The following RHOBTB1 variants were observed in gnomAD, a reference collection of about 807,000 sequenced individuals.
RHOBTB1 encodes rho-related BTB domain-containing protein 1.
Under a neutral mutation model 71.6 loss-of-function variants are expected in RHOBTB1, and 40 were observed. That is an observed-to-expected ratio of 0.56 (90% CI 0.43 to 0.73). The LOEUF (loss-of-function observed/expected upper bound fraction) is 0.73. Ranked by LOEUF, RHOBTB1 falls within the 30% of genes least tolerant of loss-of-function variation. The pLI is 0.00. For synonymous variants in RHOBTB1, 319 were observed against 334.9 expected (o/e 0.95, Z 0.52); for missense variants, 797 against 894.0 (o/e 0.89, Z 1.38).
intron 1 of RHOBTB1, among the ~76,000 whole-genome samples, chr10:60,998,170 T>C (rs573027650): frequency 5.3e-4 from 81 of 152,260 alleles, no homozygotes; most frequent in African/African-American, 1.9e-3. Context: ...GGTACTCAGA[T>C]CTCCATTCAT....
chr10:60,992,629 C>A (rs893641766), intron 1 of RHOBTB1, among the ~76,000 whole-genome samples: 27 of 152,282 alleles, frequency 1.8e-4, no homozygotes, highest in African/African-American at 6.5e-4. Context: ...AGGCGAAACT[C>A]AAATGTTGCA....
At chr10:60,962,895 A>G (rs1006674042) in intron 2 of RHOBTB1, among the ~76,000 whole-genome samples, 10 of 152,196 alleles carry the variant, frequency 6.6e-5, no homozygotes, top group African/African-American at 2.4e-4. Context: ...TGCCACTTAA[A>G]ATATCTACCA....
At chr10:60,905,722 G>A (rs185615609) in intron 4 of RHOBTB1, among the ~76,000 whole-genome samples, 17 of 152,154 alleles carry the variant, frequency 1.1e-4, no homozygotes, top group African/African-American at 2.9e-4. Flanking sequence ...ACTGTGCAAC[G>A]GGCTGCTTGC....
intron 2 of RHOBTB1, among the ~76,000 whole-genome samples, chr10:60,952,924 C>A (rs2085464458): frequency 2.0e-5 from 3 of 152,096 alleles, no homozygotes; most frequent in Admixed American, 6.5e-5. Flanking sequence ...CTCACAACCA[C>A]AAATTCAAAG....
chr10:60,930,968 CT>C (rs1353865990), intron 2 of RHOBTB1, among the ~76,000 whole-genome samples: 1 of 151,990 alleles, frequency 6.6e-6, no homozygotes, highest in Non-Finnish European at 1.5e-5. Flanking sequence ...CATTTAATAA[CT>C]GTATCTCTGT....
At chr10:60,966,577 A>C (rs1317808911) in intron 2 of RHOBTB1, among the ~76,000 whole-genome samples, 1 of 151,876 alleles carries the variant, frequency 6.6e-6, no homozygotes, top group Non-Finnish European at 1.5e-5. Flanking sequence ...TCTTCTTTCT[A>C]GTTTCTGTGT....
At chr10:60,897,185 T>C (rs879839199) in intron 4 of RHOBTB1, among the ~76,000 whole-genome samples, 4 of 152,178 alleles carry the variant, frequency 2.6e-5, no homozygotes, top group Non-Finnish European at 5.9e-5. Context: ...ACCACACATG[T>C]TCTCAGAGAC....
intron 2 of RHOBTB1, among the ~76,000 whole-genome samples, chr10:60,949,847 T>C (rs939979012): frequency 1.3e-5 from 2 of 152,172 alleles, no homozygotes; most frequent in Admixed American, 1.3e-4. Context: ...TCTTTTCCAT[T>C]GCAGTTTCTA....
intron 2 of RHOBTB1, among the ~76,000 whole-genome samples, chr10:60,961,811 GT>G (rs58771689): frequency 0.56 from 70,904 of 126,864 alleles, 18,354 homozygotes; most frequent in East Asian, 0.84. Flanking sequence ...ACCTTTTTTT[GT>G]TTTTTTTTTT....
At chr10:60,911,119 A>C in intron 3 of RHOBTB1, 129 bp from the exon 4 acceptor site, 1 of 791,452 alleles carries the variant, frequency 1.3e-6, no homozygotes, top group Non-Finnish European at 2.0e-6. Flanking sequence ...ATCTGACGGG[A>C]TTTAAGCTAA....
chr10:60,933,693 C>T (rs545246017), intron 2 of RHOBTB1, among the ~76,000 whole-genome samples: 27 of 150,104 alleles, frequency 1.8e-4, no homozygotes, highest in African/African-American at 5.6e-4. Context: ...AGTGAGAATC[C>T]GTCAAAAAAG....
the RHOBTB1 span, among the ~76,000 whole-genome samples, chr10:60,862,788 CTTCCTTTCTTTCTT>C: frequency 6.9e-6 from 1 of 144,356 alleles, no homozygotes; most frequent in Middle Eastern, 3.6e-3. Context: ...CTCTTTCTTT[CTTCCTTTCTTTCTT>C]TTCCTTTCTT....
intron 2 of RHOBTB1, among the ~76,000 whole-genome samples, chr10:60,953,404 C>A (rs1042694036): frequency 3.3e-5 from 5 of 152,064 alleles, no homozygotes; most frequent in African/African-American, 1.2e-4. Flanking sequence ...TTACATGGCA[C>A]CTGAAGAAAC....
At chr10:60,992,989 G>C (rs531779059) in intron 1 of RHOBTB1, among the ~76,000 whole-genome samples, 3 of 152,282 alleles carry the variant, frequency 2.0e-5, no homozygotes, top group African/African-American at 7.2e-5. Flanking sequence ...ACTAAGGTTA[G>C]CAGGAATAAC....
intron 2 of RHOBTB1, among the ~76,000 whole-genome samples, chr10:60,922,709 A>G (rs1306101606): frequency 6.6e-6 from 1 of 152,226 alleles, no homozygotes; most frequent in Non-Finnish European, 1.5e-5. Flanking sequence ...GCCTGCTGCT[A>G]TCAGCATGGA....
chr10:60,969,933 A>C (rs1381069907), intron 2 of RHOBTB1, among the ~76,000 whole-genome samples: 1 of 152,150 alleles, frequency 6.6e-6, no homozygotes, highest in Admixed American at 6.5e-5. Flanking sequence ...AGACTATAGG[A>C]CTTCAAACAT....
chr10:60,991,593 G>A (rs995417135), intron 1 of RHOBTB1, among the ~76,000 whole-genome samples: 1 of 152,022 alleles, frequency 6.6e-6, no homozygotes, highest in African/African-American at 2.4e-5. Context: ...ACCATGCCCG[G>A]CTAATTTTTG....
chr10:60,881,162 C>A (rs1366848609), intron 7 of RHOBTB1, among the ~76,000 whole-genome samples: 1 of 152,168 alleles, frequency 6.6e-6, no homozygotes, highest in African/African-American at 2.4e-5. Context: ...CTCTTGCCTG[C>A]TGCCATGTAA....
chr10:60,914,796 C>T (rs995934705), intron 2 of RHOBTB1, among the ~76,000 whole-genome samples: 4 of 152,116 alleles, frequency 2.6e-5, no homozygotes, highest in African/African-American at 9.7e-5. Context: ...ATGAGTAGTC[C>T]TAAGAAGAAT....
Sources: gnomAD v4.1 joint callset for allele counts (sites outside exome capture counted in the v4.1 genomes callset) on GRCh38, gnomAD v4.1.1 for gene constraint, MANE v1.5 for transcripts, NCBI Gene and HGNC (gene_info 2026-07-23, HGNC 2026-07-21) for gene names.